Variants in PPM1D observed in about 807,000 individuals in gnomAD.
PPM1D encodes protein phosphatase, Mg2+/Mn2+ dependent 1D, also known as protein phosphatase 1D.
PPM1D carries 52 observed loss-of-function variants against 58.3 expected under a neutral mutation model. The ratio of observed to expected loss-of-function variants is 0.89; its 90% CI spans 0.71 to 1.12. The LOEUF (loss-of-function observed/expected upper bound fraction) is 1.12. PPM1D is among the 50% of genes most tolerant of loss of function. PPM1D has a pLI of 0.00. For missense variants in PPM1D, 564 were observed against 777.2 expected (o/e 0.73, Z 3.26); for synonymous variants, 278 against 285.1 (o/e 0.98, Z 0.25).
chr17:60,605,706 C>G (rs1294286970), intron 1 of PPM1D, among the ~76,000 whole-genome samples: 1 of 152,190 alleles, frequency 6.6e-6, no homozygotes, highest in Non-Finnish European at 1.5e-5. Flanking sequence ...AGTTTGAGAT[C>G]AGCCTGGCCA....
chr17:60,629,629 C>T (rs2030878301), intron 2 of PPM1D, among the ~76,000 whole-genome samples: 1 of 152,088 alleles, frequency 6.6e-6, no homozygotes, highest in Non-Finnish European at 1.5e-5. Context: ...CTTTTCTGGG[C>T]TATAATTTTT....
At chr17:60,611,930 A>G (rs1377758737) in intron 1 of PPM1D, among the ~76,000 whole-genome samples, 1 of 151,972 alleles carries the variant, frequency 6.6e-6, no homozygotes, top group African/African-American at 2.4e-5. Context: ...TGCTTTCACA[A>G]TTAAGTCCTC....
In PPM1D at chr17:60,621,563, A is replaced by ATTT. The variant is rs775950363; in HGVS notation, c.473-1939_473-1937dup. Among the ~76,000 whole-genome samples the ATTT allele has an allele frequency of 4.1e-3, 391 of 96,096 alleles. 5 individuals carry two copies. The highest frequency in any genetic ancestry group is 0.014 in the African/African-American group (368 of 26,206). The allele number at this position is 96,096 out of a possible 152,430, so 63.0% of individuals were successfully genotyped here. A position where few individuals can be genotyped will look rare whatever the true frequency, so the allele number is the denominator to read the frequency against. ...GCACACATGCCTGGCTATTTTTTGTATTTTTTTTTTTTTTTTTTTTTGAGA... is the reference window on the plus strand; with the variant it reads ...GCACACATGCCTGGCTATTTTTTGTATTTTTTTTTTTTTTTTTTTTTTTTGAGA... On this transcript the variant is annotated intron_variant, in intron 1 of 5. Transcript: ENST00000305921.
At position 60,600,282 on chromosome 17, in the gene PPM1D, C is replaced by T. The variant is rs908412080; in HGVS notation, c.-133C>T. 3.5e-6 allele frequency: 5 copies of T among 1,436,116 alleles called. No individual in the cohort carries two copies. Among genetic ancestry groups the T allele is most frequent in the African/African-American group, 1.5e-5 (1 of 67,814 alleles). 89.0% of individuals were successfully genotyped at this position (1,436,116 alleles called of 1,614,324 possible). A position where few individuals can be genotyped will look rare whatever the true frequency, so the allele number is the denominator to read the frequency against. On this transcript the variant is annotated 5_prime_UTR_variant, in exon 1 of 6. Coordinates refer to ENST00000305921, the MANE Select transcript of PPM1D (RefSeq NM_003620.4). ...GTCCAGACATCGCGCGCCCCCCCTTCTCCGGGTCCGCCCCCTCCCCCTTCT... is the reference window on the plus strand; with the variant it reads ...GTCCAGACATCGCGCGCCCCCCCTTTTCCGGGTCCGCCCCCTCCCCCTTCT...
intron 1 of PPM1D, among the ~76,000 whole-genome samples, chr17:60,609,920 G>A (rs1444117828): frequency 6.6e-6 from 1 of 152,042 alleles, no homozygotes; most frequent in Non-Finnish European, 1.5e-5. Context: ...GGTGGCTCAC[G>A]CCTGTAATCC....
chr17:60,605,719 A>G (rs1331171194), intron 1 of PPM1D, among the ~76,000 whole-genome samples: 1 of 152,194 alleles, frequency 6.6e-6, no homozygotes, highest in Non-Finnish European at 1.5e-5. Flanking sequence ...CCTGGCCAAC[A>G]TGGTGAAACT....
chr17:60,609,113 A>G (rs1354959038), intron 1 of PPM1D, among the ~76,000 whole-genome samples: 1 of 151,044 alleles, frequency 6.6e-6, no homozygotes, highest in Admixed American at 6.6e-5. Flanking sequence ...TTGTTTTTTA[A>G]GACAGAGTCT....
chr17:60,659,000 T>C (rs1245248037), intron 5 of PPM1D, among the ~76,000 whole-genome samples: 3 of 148,448 alleles, frequency 2.0e-5, no homozygotes, highest in African/African-American at 7.3e-5. Flanking sequence ...GACCTAATAA[T>C]ACTACTAAAG....
chr17:60,612,544 A>G (rs139704171), intron 1 of PPM1D, among the ~76,000 whole-genome samples: 7 of 152,346 alleles, frequency 4.6e-5, no homozygotes, highest in African/African-American at 1.7e-4. Context: ...TAGGAATTAA[A>G]TACTATAAAT....
intron 1 of PPM1D, among the ~76,000 whole-genome samples, chr17:60,620,139 C>T (rs575505184): frequency 2.0e-5 from 3 of 152,226 alleles, no homozygotes; most frequent in Admixed American, 6.5e-5. Flanking sequence ...GCTAGGATTA[C>T]AGGCGCCTGC....
chr17:60,663,866 CAAAAGAATCTATT>C lies in PPM1D; in HGVS notation c.*316_*328del. On this transcript the variant is annotated 3_prime_UTR_variant, in exon 6 of 6. Transcript: ENST00000305921. The stretch of plus-strand genomic sequence containing the variant: ...AATAGGGCTAAATGTTTAAAGAAAT[CAAAAGAATCTATT>C]AGATTTTAGAAAAACATTTAAACTT... 5.1e-6 allele frequency: 1 copy of C among 197,120 alleles called. No homozygotes were observed. The allele number at this position is 197,120 out of a possible 1,614,324, so 12.2% of individuals were successfully genotyped here. A position where few individuals can be genotyped will look rare whatever the true frequency, so the allele number is the denominator to read the frequency against.
chr17:60,662,313 A>T (rs372940198), intron 5 of PPM1D: 2 of 152,082 alleles, frequency 1.3e-5, no homozygotes, highest in African/African-American at 4.8e-5. Flanking sequence ...TGAGATCTTT[A>T]AAAGCTTTTT....
chr17:60,617,552 T>TAA (rs200500505), intron 1 of PPM1D, among the ~76,000 whole-genome samples: 8 of 136,680 alleles, frequency 5.9e-5, no homozygotes, highest in Admixed American at 2.2e-4. Flanking sequence ...ACCCTGTTGT[T>TAA]AAAAAAAAAA....
chr17:60,638,679 T>G (rs1330476700), intron 3 of PPM1D, among the ~76,000 whole-genome samples: 1 of 152,108 alleles, frequency 6.6e-6, no homozygotes, highest in African/African-American at 2.4e-5. Context: ...GGCCTGGAAA[T>G]AATATTTTTA....
intron 2 of PPM1D, among the ~76,000 whole-genome samples, chr17:60,630,945 T>A (rs2030908861): frequency 6.6e-6 from 1 of 152,276 alleles, no homozygotes; most frequent in Admixed American, 6.5e-5. Flanking sequence ...ACTCTGCTGT[T>A]GACTTTTGAG....
intron 1 of PPM1D, 98 bp downstream of exon 1, chr17:60,600,984 A>G: frequency 6.6e-7 from 1 of 1,523,842 alleles, no homozygotes. Flanking sequence ...CCAGAGCGCA[A>G]CCAAAGTATA....
rs567350693 is a variant in PPM1D at position 60,634,104 on chromosome 17, A to G, written c.826+127A>G. On this transcript the variant is annotated intron_variant, in intron 3 of 5. Coordinates refer to ENST00000305921, the MANE Select transcript of PPM1D (RefSeq NM_003620.4). ...GAGGGTAGAGATATCATGATATTCTATTAACTGCTTTAGAACCTAATCGAA... is the reference window on the plus strand; with the variant it reads ...GAGGGTAGAGATATCATGATATTCTGTTAACTGCTTTAGAACCTAATCGAA... 2.2e-5 allele frequency: 25 copies of G among 1,131,304 alleles called. No homozygotes were observed. The East Asian group carries it at 5.0e-4, about 23-fold the overall frequency. The allele number at this position is 1,131,304 out of a possible 1,614,324, so 70.1% of individuals were successfully genotyped here. A position where few individuals can be genotyped will look rare whatever the true frequency, so the allele number is the denominator to read the frequency against.
chr17:60,600,441 G>A lies in PPM1D; in HGVS notation c.27G>A (p.Val9=). The A allele has an allele frequency of 6.4e-7, 1 of 1,558,762 alleles. No individual in the cohort carries two copies. MAGLYSLG[V]SVFSDQGGRK... ...TGGCGGGGCTGTACTCGCTGGGAGT[G>A]AGCGTCTTCTCCGACCAGGGCGGGA... The change falls in exon 1 of 6, where the codon GTG becomes GTA. Residue 9 remains valine (V), a synonymous_variant. Transcript: ENST00000305921.
chr17:60,652,723 C>T (rs1276047767), intron 4 of PPM1D, among the ~76,000 whole-genome samples: 1 of 151,786 alleles, frequency 6.6e-6, no homozygotes, highest in African/African-American at 2.4e-5. Context: ...GAGATGATAC[C>T]TCATTGTGGT....
Sources: allele counts gnomAD v4.1 joint callset (sites outside exome capture counted in the v4.1 genomes callset), GRCh38; gene constraint gnomAD v4.1.1; transcripts MANE v1.5; gene names NCBI Gene and HGNC (gene_info 2026-07-23, HGNC 2026-07-21).